Variants in PRKAR1B observed in about 807,000 individuals in gnomAD.
PRKAR1B encodes cAMP-dependent protein kinase type I-beta regulatory subunit.
PRKAR1B carries 22 observed loss-of-function variants against 46.5 expected under a neutral mutation model. The observed-to-expected ratio is 0.47, with a 90% confidence interval of 0.34 to 0.68. The LOEUF (loss-of-function observed/expected upper bound fraction) is 0.68. Among genes scored for constraint, PRKAR1B ranks in the 30% least tolerant of loss-of-function variants. PRKAR1B has a pLI of 0.01. For synonymous variants in PRKAR1B, 259 were observed against 217.7 expected (o/e 1.19, Z -1.67); for missense variants, 445 against 535.6 (o/e 0.83, Z 1.67).
chr7:551,469 C>T lies in PRKAR1B; in HGVS notation c.893G>A (p.Gly298Asp). The T allele has an allele frequency of 6.4e-7, 1 of 1,553,542 alleles. No individual in the cohort carries two copies. The highest frequency in any genetic ancestry group is 8.7e-7 in the Non-Finnish European group (1 of 1,148,300). Residue 298 changes from glycine to aspartate, a missense_variant and splice_region_variant, in exon 10 of 11, where the codon GGC (glycine) becomes GAC (aspartate). Gly to Asp is a moderately conservative substitution (Grantham distance 94). Coordinates refer to ENST00000537384, the MANE Select transcript of PRKAR1B (RefSeq NM_001164760.2). ...CCGGCGCTGCAGCACGGACGCGGTG[C>T]CCTGTGGGTGGAGGTGGACAGACGT... is the stretch of plus-strand genomic sequence containing the variant. ...PGDDFYIITE[G>D]TASVLQRRSP...
At chr7:679,019 CA>C (rs1778504325) in intron 3 of PRKAR1B, among the ~76,000 whole-genome samples, 1 of 152,208 alleles carries the variant, frequency 6.6e-6, no homozygotes, top group Non-Finnish European at 1.5e-5. Context: ...ACCTGGGAGG[CA>C]GAGGTTGTGG....
rs760656187 is a variant in PRKAR1B, at chr7:711,372, C to T, written c.134G>A (p.Arg45His). Reference sequence around the variant, plus strand: ...GTGCTCCCGGAGGAACTTCATGGGGCGTTCGGGCTTGGAGATGCAGAGGTG... The same window carrying T: ...GTGCTCCCGGAGGAACTTCATGGGGTGTTCGGGCTTGGAGATGCAGAGGTG... ...IVHLCISKPE[R>H]PMKFLREHFE... is the part of the protein sequence containing the mutation. Residue 45 changes from arginine to histidine, a missense_variant, in exon 2 of 11, where the codon CGC becomes CAC. Physicochemically the swap from Arg to His is conservative, Grantham distance 29. Around this residue, in one of 5 missense-constraint regions of PRKAR1B, gnomAD observed 155 missense variants for 127.5 expected, o/e 1.22. Transcript: ENST00000537384. 6.2e-6 allele frequency: 10 copies of T among 1,614,194 alleles called. No individual in the cohort carries two copies. Among genetic ancestry groups the T allele is most frequent in the Non-Finnish European group, 8.5e-6 (10 of 1,180,018 alleles).
chr7:679,365 C>T (rs1778527651), intron 3 of PRKAR1B, among the ~76,000 whole-genome samples: 1 of 152,322 alleles, frequency 6.6e-6, no homozygotes, highest in Non-Finnish European at 1.5e-5. Flanking sequence ...TCACACTCTC[C>T]TCGTGTGCCG....
rs1031851953 is a variant in PRKAR1B at position 714,671 on chromosome 7, A to G, written c.-22-3144T>C. 6.6e-6 allele frequency among the ~76,000 whole-genome samples: 1 copy of G among 152,146 alleles called. No individual in the cohort carries two copies. Among genetic ancestry groups the G allele is most frequent in the Admixed American group, 6.5e-5 (1 of 15,276 alleles). ...GCCCCCACCGCCCCAACCTGCAGAC[A>G]AGTTTCTGCCTGACTCCCAGGCCTC... On this transcript the variant is annotated intron_variant, in intron 1 of 10. Coordinates refer to ENST00000537384, the MANE Select transcript of PRKAR1B (RefSeq NM_001164760.2). The surrounding 1 kb of genome is among the most constrained non-coding windows in gnomAD (Gnocchi z 4.3).
chr7:717,472 C>G (rs531701842), intron 1 of PRKAR1B, among the ~76,000 whole-genome samples: 2 of 152,036 alleles, frequency 1.3e-5, no homozygotes, highest in African/African-American at 4.8e-5. Flanking sequence ...ATCTGGGCAA[C>G]AGAGCAAGAC....
chr7:568,079 AAG>A (rs1264045990), intron 9 of PRKAR1B, among the ~76,000 whole-genome samples: 4 of 152,346 alleles, frequency 2.6e-5, no homozygotes, highest in Middle Eastern at 3.4e-3. Flanking sequence ...ACATTTTTAA[AAG>A]GGCCTGGCCA....
intron 1 of PRKAR1B, among the ~76,000 whole-genome samples, chr7:724,153 A>C (rs1473313295): frequency 6.6e-6 from 1 of 151,668 alleles, no homozygotes; most frequent in Non-Finnish European, 1.5e-5. Context: ...AGCCCGTAAC[A>C]CTCCCATGAG....
chr7:578,682 CTTT>C (rs67281859), intron 9 of PRKAR1B: 27,532 of 141,852 alleles, frequency 0.19, 2,703 homozygotes, highest in Non-Finnish European at 0.22. Flanking sequence ...TTTTATTTTA[CTTT>C]TTTTTTTTTT....
At chr7:626,240 C>T (rs1214931357) in intron 4 of PRKAR1B, among the ~76,000 whole-genome samples, 2 of 152,172 alleles carry the variant, frequency 1.3e-5, no homozygotes, top group Non-Finnish European at 2.9e-5. Context: ...ACCTGTAATC[C>T]CAGCACTTTT....
At chr7:561,413 CTG>C (rs1179482773) in intron 9 of PRKAR1B, among the ~76,000 whole-genome samples, 2 of 152,224 alleles carry the variant, frequency 1.3e-5, no homozygotes, top group African/African-American at 2.4e-5. Context: ...GTTGCAATAA[CTG>C]TTTTTTCCAC....
intron 10 of PRKAR1B, 120 bp from the exon 11 acceptor site, chr7:550,722 C>T (rs534767461): frequency 2.9e-5 from 23 of 793,382 alleles, no homozygotes; most frequent in African/African-American, 8.8e-5. Flanking sequence ...GCCAGGCACA[C>T]GTGAATTTCA....
At chr7:715,924 C>G (rs1344998444) in intron 1 of PRKAR1B, among the ~76,000 whole-genome samples, 1 of 152,092 alleles carries the variant, frequency 6.6e-6, no homozygotes, top group African/African-American at 2.4e-5. Flanking sequence ...ACCGTGTTAG[C>G]CAGGATGGTC....
At position 625,074 on chromosome 7, in the gene PRKAR1B, G is replaced by C. The variant is rs975671576; in HGVS notation, c.441-17622C>G. ...TCATATAGTGCATGCTCTCACACCGGAAGTGAATTAAACTAGAAGTCAGTA... is the reference window on the plus strand; with the variant it reads ...TCATATAGTGCATGCTCTCACACCGCAAGTGAATTAAACTAGAAGTCAGTA... On this transcript the variant is annotated intron_variant, in intron 4 of 10. Transcript: ENST00000537384. 2.6e-5 allele frequency among the ~76,000 whole-genome samples: 4 copies of C among 152,184 alleles called. No homozygotes were observed. The East Asian group carries it at 7.7e-4, about 29-fold the overall frequency.
rs1781143609 is a variant in PRKAR1B at position 723,476 on chromosome 7, G to A, written c.-23+3734C>T. On this transcript the variant is annotated intron_variant, in intron 1 of 10. Transcript: ENST00000537384. ...TATTCCTCCAGTCCAGAGGTCTCCA[G>A]CCCGTCTGTCAACTCTCAAGCTCCT... Among the ~76,000 whole-genome samples, 3 of 152,208 alleles carry A rather than the reference G, an allele frequency of 2.0e-5. No individual in the cohort carries two copies. The South Asian group carries it at 6.2e-4, about 31-fold the overall frequency.
At chr7:725,493 C>T (rs1781229421) in intron 1 of PRKAR1B, among the ~76,000 whole-genome samples, 1 of 152,224 alleles carries the variant, frequency 6.6e-6, no homozygotes, top group South Asian at 2.1e-4. Flanking sequence ...AGTCCACAGT[C>T]AAGGTCACTA....
intron 4 of PRKAR1B, among the ~76,000 whole-genome samples, chr7:628,322 G>A (rs1043014035): frequency 6.6e-6 from 1 of 152,274 alleles, no homozygotes; most frequent in Admixed American, 6.5e-5. Flanking sequence ...CGGGGACGTG[G>A]AGCCAAGGCG....
intron 7 of PRKAR1B, among the ~76,000 whole-genome samples, chr7:586,511 C>A (rs13238222): frequency 0.56 from 84,861 of 152,066 alleles, 24,544 homozygotes; most frequent in East Asian, 0.84. Context: ...ACCCTCCAGC[C>A]CTGTTGGGGG....
At chr7:693,273 A>G (rs1486761625) in intron 2 of PRKAR1B, among the ~76,000 whole-genome samples, 1 of 149,190 alleles carries the variant, frequency 6.7e-6, no homozygotes, top group Non-Finnish European at 1.5e-5. Context: ...TAAAAGTCAC[A>G]TAACTTAAAG....
chr7:610,673 C>T (rs1378044358), intron 4 of PRKAR1B, among the ~76,000 whole-genome samples: 1 of 152,198 alleles, frequency 6.6e-6, no homozygotes, highest in Non-Finnish European at 1.5e-5. Flanking sequence ...CGCACGGCTT[C>T]ACCCTCTTTT....
Sources: gnomAD v4.1 joint callset for allele counts (sites outside exome capture counted in the v4.1 genomes callset) on GRCh38, gnomAD v4.1.1 for gene constraint, gnomAD v4.1.1 regional missense constraint, Gnocchi (gnomAD v3.1) non-coding constraint, MANE v1.5 for transcripts, NCBI Gene and HGNC (gene_info 2026-07-23, HGNC 2026-07-21) for gene names.